The following TCF25 variants were observed in gnomAD, a reference collection of about 807,000 sequenced individuals.
TCF25 encodes the protein TCF25 ribosome quality control complex subunit.
Under a neutral mutation model 83.1 loss-of-function variants are expected in TCF25, and 41 were observed. That is an observed-to-expected ratio of 0.49 (90% CI 0.38 to 0.64). The LOEUF is 0.64. TCF25 is among the 30% of genes least tolerant of loss of function. TCF25 has a pLI of 0.00. For synonymous variants in TCF25, 458 were observed against 365.0 expected (o/e 1.25, Z -2.90); for missense variants, 979 against 914.5 (o/e 1.07, Z -0.91).
At chr16:89,877,234 C>G (rs995374543) in intron 1 of TCF25, among the ~76,000 whole-genome samples, 1 of 152,050 alleles carries the variant, frequency 6.6e-6, no homozygotes, top group Non-Finnish European at 1.5e-5. Flanking sequence ...GACAGAGTCT[C>G]GCTCTATTGC....
At chr16:89,908,628 TCCCA>T (rs1354698061) in intron 16 of TCF25, among the ~76,000 whole-genome samples, 1 of 112,620 alleles carries the variant, frequency 8.9e-6, no homozygotes, top group Non-Finnish European at 1.9e-5. Context: ...ACCTCCCAGC[TCCCA>T]CCTCCCACCT....
chr16:89,900,483 T>C, intron 11 of TCF25, 152 bp from the exon 12 acceptor site: 1 of 823,660 alleles, frequency 1.2e-6, no homozygotes, highest in Non-Finnish European at 1.7e-6. Context: ...TTTTAAGTTA[T>C]CTTTATGCTG....
chr16:89,901,115 AGGGGAAG>A, intron 12 of TCF25: 1 of 244,628 alleles, frequency 4.1e-6, no homozygotes, highest in South Asian at 1.1e-4. Context: ...AGAGCAAAGC[AGGGGAAG>A]GTCTCGGCAG....
intron 11 of TCF25, among the ~76,000 whole-genome samples, chr16:89,899,179 G>A (rs73276564): frequency 0.043 from 6,574 of 152,160 alleles, 492 homozygotes; most frequent in African/African-American, 0.15. Flanking sequence ...ATGAAAAACC[G>A]ACAACTCCCG....
chr16:89,896,180 A>G (rs963557249), intron 9 of TCF25, 97 bp downstream of exon 9: 7 of 1,078,936 alleles, frequency 6.5e-6, no homozygotes, highest in Non-Finnish European at 8.2e-6. Context: ...GCTGCCCTCC[A>G]GGGTGGACCA....
intron 1 of TCF25, among the ~76,000 whole-genome samples, chr16:89,880,385 A>G (rs1384782474): frequency 6.6e-6 from 1 of 152,190 alleles, no homozygotes; most frequent in Non-Finnish European, 1.5e-5. Context: ...GGAGTTCGAG[A>G]CCAGCCTGGC....
In TCF25 at chr16:89,885,835, T is replaced by C. The variant is rs780220648; in HGVS notation, c.430-13T>C. 50 of 1,597,306 alleles carry C rather than the reference T, an allele frequency of 3.1e-5. No homozygotes were observed. Among genetic ancestry groups the C allele is most frequent in the Non-Finnish European group, 4.1e-5 (48 of 1,165,470 alleles). On this transcript the variant is annotated splice_polypyrimidine_tract_variant and intron_variant, in intron 3 of 17. Transcript: ENST00000263346. The stretch of plus-strand genomic sequence containing the variant: ...TCAGTGTGGTGATTAAGAGGTTGTT[T>C]TGGGGCTTTTAGGAAAACGGACTAG...
intron 2 of TCF25, chr16:89,883,756 G>C: frequency 2.1e-6 from 1 of 470,558 alleles, no homozygotes; most frequent in South Asian, 2.7e-5. Flanking sequence ...GTATGTAACC[G>C]CACACGTGTG....
At chr16:89,900,996 C>T in intron 12 of TCF25, 1 of 542,896 alleles carries the variant, frequency 1.8e-6, no homozygotes, top group Non-Finnish European at 3.1e-6. Context: ...CCAAGCCAGG[C>T]ACGAGGAGGT....
At chr16:89,888,712 T>A (rs2043197385) in intron 5 of TCF25, among the ~76,000 whole-genome samples, 1 of 150,326 alleles carries the variant, frequency 6.7e-6, no homozygotes. Flanking sequence ...ATTCTTGCTC[T>A]GTCGCCCAGG....
At chr16:89,886,062 C>A (rs780957798) in intron 4 of TCF25, 96 bp downstream of exon 4, 3 of 705,028 alleles carry the variant, frequency 4.3e-6, no homozygotes, top group Non-Finnish European at 6.7e-6. Flanking sequence ...GTGGCTGCCA[C>A]AGAGACTTCG....
In TCF25 at chr16:89,875,989, CT is replaced by C. The variant is rs34016555; in HGVS notation, c.192+2139del. On this transcript the variant is annotated intron_variant, in intron 1 of 17. Coordinates refer to ENST00000263346, the MANE Select transcript of TCF25 (RefSeq NM_014972.3). ...CCATGCTCAGCTTGTTCTTTTAATG[CT>C]TTTTTTTTCCCATTTAAATATTTAA... Among the ~76,000 whole-genome samples, 1,488 of 150,468 alleles carry C rather than the reference CT, an allele frequency of 9.9e-3. 28 individuals carry two copies. The South Asian group carries it at 0.1, about 10-fold the overall frequency.
chr16:89,897,930 C>T (rs1251654427), intron 9 of TCF25, among the ~76,000 whole-genome samples: 2 of 152,028 alleles, frequency 1.3e-5, no homozygotes, highest in Admixed American at 6.6e-5. Context: ...GGTGAAACCC[C>T]GTCTCTACTA....
intron 11 of TCF25, among the ~76,000 whole-genome samples, chr16:89,899,798 T>C (rs905682314): frequency 6.6e-6 from 1 of 152,070 alleles, no homozygotes; most frequent in African/African-American, 2.4e-5. Flanking sequence ...AGCACTTATC[T>C]GGAAGGACAC....
intron 4 of TCF25, chr16:89,886,195 A>G (rs1007459408): frequency 4.1e-5 from 20 of 493,512 alleles, no homozygotes; most frequent in Non-Finnish European, 7.8e-5. Context: ...TGGGAGGCCA[A>G]GGCAGGCGGA....
intron 1 of TCF25, among the ~76,000 whole-genome samples, chr16:89,875,350 C>T (rs1597243713): frequency 6.6e-6 from 1 of 151,810 alleles, no homozygotes; most frequent in Non-Finnish European, 1.5e-5. Context: ...AGTCTTTTTG[C>T]TCGTGGAAGC....
intron 9 of TCF25, among the ~76,000 whole-genome samples, chr16:89,897,951 A>T (rs1216375215): frequency 2.6e-5 from 4 of 152,098 alleles, no homozygotes; most frequent in Non-Finnish European, 5.9e-5. Context: ...AAAATACAAA[A>T]AATCAGCTGG....
At chr16:89,881,847 C>T (rs745531989) in intron 1 of TCF25, among the ~76,000 whole-genome samples, 6 of 152,146 alleles carry the variant, frequency 3.9e-5, no homozygotes, top group Non-Finnish European at 8.8e-5. Context: ...CTCTGCCTCC[C>T]GGATTCAAGC....
chr16:89,907,372 CCA>C lies in TCF25; in HGVS notation c.1799+51_1799+52del. On this transcript the variant is annotated intron_variant, in intron 16 of 17. Coordinates refer to ENST00000263346, the MANE Select transcript of TCF25 (RefSeq NM_014972.3). ...CCTCCCAGCTCCCACCTCCCTCCTC[CCA>C]GTTCCCAGCTCCCAGCTCCCACCTC... The C allele has an allele frequency of 2.2e-5, 2 of 92,408 alleles. 1 individual carries two copies. The highest frequency in any genetic ancestry group is 3.9e-5 in the Non-Finnish European group (2 of 51,458). 5.7% of individuals were successfully genotyped at this position (92,408 alleles called of 1,614,324 possible).
Sources: gnomAD v4.1 joint callset for allele counts (sites outside exome capture counted in the v4.1 genomes callset) on GRCh38, gnomAD v4.1.1 for gene constraint, MANE v1.5 for transcripts, NCBI Gene and HGNC (gene_info 2026-07-23, HGNC 2026-07-21) for gene names.